The following NHS variants were observed in gnomAD, a reference collection of about 807,000 sequenced individuals.
NHS encodes the protein actin remodeling regulator NHS.
In NHS, 5 loss-of-function variants were observed where a neutral mutation model predicts 72.5. That is an observed-to-expected ratio of 0.07 (90% CI 0.04 to 0.14). The LOEUF (loss-of-function observed/expected upper bound fraction) is 0.14. Ranked by LOEUF, NHS falls within the 10% of genes least tolerant of loss-of-function variation. The probability of loss-of-function intolerance (pLI) is 1.00; values close to 1 mark genes in which losing one functional copy is unlikely to be tolerated. For synonymous variants in NHS, 464 were observed against 547.7 expected, an observed-to-expected ratio of 0.85 and a Z score of 2.13; for missense variants, 1,072 against 1,355.7, an observed-to-expected ratio of 0.79 and a Z score of 3.29.
chrX:17,394,119 C>T (rs1302141695), intron 1 of NHS, among the ~76,000 whole-genome samples: 1 of 111,326 alleles, frequency 9.0e-6, no homozygotes, highest in Non-Finnish European at 1.9e-5. Context: ...TCAAGCATAT[C>T]AGGAATATCT....
chrX:17,576,924 T>C (rs1271308525), intron 1 of NHS, among the ~76,000 whole-genome samples: 1 of 111,552 alleles, frequency 9.0e-6, no homozygotes, highest in Non-Finnish European at 1.9e-5. Flanking sequence ...GTATGTTCAT[T>C]CTCCTCCCAG....
chrX:17,663,352 C>T (rs1488203601), intron 1 of NHS, among the ~76,000 whole-genome samples: 2 of 111,641 alleles, frequency 1.8e-5, no homozygotes, highest in Non-Finnish European at 3.8e-5. Flanking sequence ...TAATGCATTT[C>T]CATCATCCCA....
intron 1 of NHS, among the ~76,000 whole-genome samples, chrX:17,564,977 TTATTTA>T (rs1445311035): frequency 3.2e-5 from 3 of 93,849 alleles, no homozygotes; most frequent in African/African-American, 1.4e-4. Flanking sequence ...ACATTTTTTT[TTATTTA>T]TTTTTTTTTT....
intron 1 of NHS, among the ~76,000 whole-genome samples, chrX:17,678,269 T>TGG (rs2066097316): frequency 9.4e-6 from 1 of 106,643 alleles, no homozygotes; most frequent in African/African-American, 3.6e-5. Context: ...TGAATGACTG[T>TGG]GGGTGTGTGT....
chrX:17,731,756 A>AAAATGC, intron 8 of NHS, 102 bp from the exon 9 acceptor site: 1 of 1,073,403 alleles, frequency 9.3e-7, no homozygotes, highest in Non-Finnish European at 1.2e-6. Flanking sequence ...GGACAGGCTC[A>AAAATGC]AAATGCACTT....
chrX:17,496,136 G>C (rs1351629052), intron 1 of NHS, among the ~76,000 whole-genome samples: 1 of 111,573 alleles, frequency 9.0e-6, no homozygotes, highest in Non-Finnish European at 1.9e-5. Context: ...GCCAAGCCCA[G>C]CCCAGCCCAG....
In NHS at chrX:17,596,639, T is replaced by A. The variant is rs192326019; in HGVS notation, c.566-91103T>A. ...CAAAGATGACTGCACAGGGAACCAT[T>A]GGGAGAGAGGAATGTGGTATTCCAG... On this transcript the variant is annotated intron_variant, in intron 1 of 8. Transcript: ENST00000676302. Among the ~76,000 whole-genome samples the A allele has an allele frequency of 2.7e-5, 3 of 111,774 alleles. No individual in the cohort carries two copies. The East Asian group carries it at 8.4e-4, about 31-fold the overall frequency.
chrX:17,606,490 G>T (rs1449630393), intron 1 of NHS, among the ~76,000 whole-genome samples: 1 of 112,094 alleles, frequency 8.9e-6, no homozygotes, highest in East Asian at 2.8e-4. Context: ...ACATAAGTTT[G>T]CAGGGAGTTG....
At chrX:17,419,944 C>G (rs1244565013) in intron 1 of NHS, among the ~76,000 whole-genome samples, 1 of 111,845 alleles carries the variant, frequency 8.9e-6, no homozygotes, top group Non-Finnish European at 1.9e-5. Flanking sequence ...GTGTATCCCT[C>G]ATGGATTTTT....
intron 1 of NHS, among the ~76,000 whole-genome samples, chrX:17,593,816 G>A (rs907994234): frequency 8.9e-6 from 1 of 111,793 alleles, no homozygotes; most frequent in Admixed American, 9.5e-5. Context: ...CTAAGGTTTC[G>A]AGGGGTTTTT....
rs112934357 is a variant in NHS at position 17,432,743 on chromosome X, GT to G, written c.565+56433del. On this transcript the variant is annotated intron_variant, in intron 1 of 8. Transcript: ENST00000676302. ...TTCTTAAACCATTAAATTGCTAGGTGTTTTTTTTTTTTAATTAACCGAACAC... is the reference window on the plus strand; with the variant it reads ...TTCTTAAACCATTAAATTGCTAGGTGTTTTTTTTTTTAATTAACCGAACAC... 3.2e-3 allele frequency among the ~76,000 whole-genome samples: 323 copies of G among 102,473 alleles called. 3 individuals are homozygous for G. The highest frequency in any genetic ancestry group is 0.019 in the Admixed American group (180 of 9,569). The allele number at this position is 102,473 out of a possible 115,157, so 89.0% of individuals were successfully genotyped here.
intron 1 of NHS, among the ~76,000 whole-genome samples, chrX:17,446,607 T>G (rs1269947808): frequency 9.2e-6 from 1 of 108,129 alleles, no homozygotes; most frequent in Non-Finnish European, 1.9e-5. Flanking sequence ...TAACTCTCTT[T>G]TCAGACTCAG....
intron 1 of NHS, among the ~76,000 whole-genome samples, chrX:17,632,303 G>A (rs763766548): frequency 3.5e-4 from 39 of 111,020 alleles, no homozygotes; most frequent in Middle Eastern, 4.7e-3. Flanking sequence ...GTCACAGTAG[G>A]ACGCAATTCT....
chrX:17,595,513 C>A (rs1003175522), intron 1 of NHS, among the ~76,000 whole-genome samples: 4 of 112,090 alleles, frequency 3.6e-5, no homozygotes, highest in African/African-American at 1.3e-4. Flanking sequence ...AAACTCCTGT[C>A]CAACCCTTCC....
chrX:17,556,626 A>G (rs754867191), intron 1 of NHS, among the ~76,000 whole-genome samples: 1 of 112,928 alleles, frequency 8.9e-6, no homozygotes, highest in East Asian at 2.8e-4. Flanking sequence ...GAAGTTAAGT[A>G]ATTTTCCCAA....
rs775595984 is a variant in NHS at position 17,449,777 on chromosome X, A to G, written c.565+73455A>G. Among the ~76,000 whole-genome samples the G allele has an allele frequency of 6.3e-5, 7 of 111,897 alleles. No homozygotes were observed. In the South Asian group the frequency reaches 1.9e-3, roughly 30 times the overall value. ...GTAAGAACCAGAAGTGATTTCCAGG[A>G]AGACATAATTGCTTATATCCGGAAG... On this transcript the variant is annotated intron_variant, in intron 1 of 8. Transcript: ENST00000676302.
At chrX:17,515,865 G>A (rs1365196396) in intron 1 of NHS, among the ~76,000 whole-genome samples, 11 of 111,244 alleles carry the variant, frequency 9.9e-5, no homozygotes, top group South Asian at 7.6e-4. Context: ...AGGCAGTCTG[G>A]GTTCTTAACA....
intron 1 of NHS, among the ~76,000 whole-genome samples, chrX:17,380,778 A>G (rs970888615): frequency 8.9e-6 from 1 of 111,845 alleles, no homozygotes; most frequent in Admixed American, 9.4e-5. Context: ...TCAGATTCCA[A>G]GAGAAGGGTG....
At chrX:17,688,542 T>G (rs1005288150) in intron 2 of NHS, among the ~76,000 whole-genome samples, 32 of 111,474 alleles carry the variant, frequency 2.9e-4, no homozygotes, top group African/African-American at 1.0e-3. Flanking sequence ...CTCTTCTGCT[T>G]CTCTTGAGAA....
Sources: allele counts gnomAD v4.1 joint callset (sites outside exome capture counted in the v4.1 genomes callset), GRCh38; gene constraint gnomAD v4.1.1; transcripts MANE v1.5; gene names NCBI Gene and HGNC (gene_info 2026-07-23, HGNC 2026-07-21).